ELOVL6: variants seen among roughly 807,000 people sequenced by gnomAD.
ELOVL6 encodes the protein ELOVL fatty acid elongase 6.
Under a neutral mutation model 31.7 loss-of-function variants are expected in ELOVL6, and 8 were observed. The ratio of observed to expected loss-of-function variants is 0.25; its 90% CI spans 0.15 to 0.45. The LOEUF (loss-of-function observed/expected upper bound fraction) is 0.45, where lower values mean the gene tolerates loss of function less well. ELOVL6 is among the 20% of genes least tolerant of loss of function. ELOVL6 has a pLI of 1.00. For synonymous variants in ELOVL6, 101 were observed against 117.7 expected, an observed-to-expected ratio of 0.86 and a Z score of 0.92; for missense variants, 126 against 326.4, an observed-to-expected ratio of 0.39 and a Z score of 4.73.
At chr4:110,111,036 A>G (rs373627220) in intron 1 of ELOVL6, among the ~76,000 whole-genome samples, 3 of 152,192 alleles carry the variant, frequency 2.0e-5, no homozygotes, top group African/African-American at 7.2e-5. Flanking sequence ...CTATCCTTGA[A>G]GTAGGCCATA....
intron 1 of ELOVL6, among the ~76,000 whole-genome samples, chr4:110,131,709 A>G (rs74780816): frequency 6.6e-6 from 1 of 152,152 alleles, no homozygotes; most frequent in Non-Finnish European, 1.5e-5. Flanking sequence ...TATTAACAAC[A>G]ACCAAATGAT....
Position 110,111,209 on chromosome 4 carries a change from G to A in ELOVL6, c.90-5581C>T, listed in dbSNP as rs1050722272. Reference sequence around the variant, plus strand: ...CCTTGTCACCTTTTAAAAAATCTTGGTGCATTCCGTTTTTGTATTACAACT... The same window carrying A: ...CCTTGTCACCTTTTAAAAAATCTTGATGCATTCCGTTTTTGTATTACAACT... On this transcript the variant is annotated intron_variant, in intron 1 of 3. Coordinates refer to ENST00000302274, the MANE Select transcript of ELOVL6 (RefSeq NM_024090.3). 3.9e-5 allele frequency among the ~76,000 whole-genome samples: 6 copies of A among 152,036 alleles called. No individual in the cohort carries two copies. In the East Asian group the frequency reaches 5.8e-4, roughly 15 times the overall value.
chr4:110,068,061 C>T (rs1253018853), intron 2 of ELOVL6, among the ~76,000 whole-genome samples: 1 of 151,614 alleles, frequency 6.6e-6, no homozygotes, highest in Non-Finnish European at 1.5e-5. Flanking sequence ...CAATCAATAA[C>T]TGAAAAAAGG....
At chr4:110,121,526 G>A (rs1400176458) in intron 1 of ELOVL6, among the ~76,000 whole-genome samples, 3 of 152,046 alleles carry the variant, frequency 2.0e-5, no homozygotes, top group Admixed American at 2.0e-4. Flanking sequence ...GTGAAACCCC[G>A]TCTCTACTAA....
At chr4:110,120,344 A>AG (rs1260182268) in intron 1 of ELOVL6, among the ~76,000 whole-genome samples, 4,911 of 74,182 alleles carry the variant, frequency 0.066, 242 homozygotes, top group African/African-American at 0.19. Context: ...AAAATAAAAA[A>AG]TAAAAAAGTA....
intron 1 of ELOVL6, among the ~76,000 whole-genome samples, chr4:110,148,034 A>G (rs748146818): frequency 1.3e-5 from 2 of 150,020 alleles, no homozygotes; most frequent in Non-Finnish European, 3.0e-5. Flanking sequence ...GAATCCGCCC[A>G]GGAGGCAGAG....
chr4:110,159,170 TTAGA>T (rs1400252014), intron 1 of ELOVL6, among the ~76,000 whole-genome samples: 1 of 152,172 alleles, frequency 6.6e-6, no homozygotes, highest in Non-Finnish European at 1.5e-5. Context: ...TGCTGGAATA[TTAGA>T]TACTTTATTT....
At chr4:110,084,411 ATACATGATATATCACATATAT>A (rs1442425181) in intron 2 of ELOVL6, among the ~76,000 whole-genome samples, 2 of 85,712 alleles carry the variant, frequency 2.3e-5, no homozygotes, top group African/African-American at 1.4e-4. Context: ...GATATATGAC[ATACATGATATATCACATATAT>A]CATATATGAT....
chr4:110,196,671 C>A (rs917884922), intron 1 of ELOVL6, among the ~76,000 whole-genome samples: 1 of 152,166 alleles, frequency 6.6e-6, no homozygotes. Context: ...GAGCGGCCCG[C>A]GTCCCCGCCT....
intron 1 of ELOVL6, among the ~76,000 whole-genome samples, chr4:110,156,348 T>G (rs1189405102): frequency 6.6e-6 from 1 of 152,126 alleles, no homozygotes; most frequent in Admixed American, 6.6e-5. Context: ...CCAAGACATT[T>G]CCACATTGGA....
chr4:110,097,692 AATT>A (rs1162566564), intron 2 of ELOVL6, among the ~76,000 whole-genome samples: 2 of 152,092 alleles, frequency 1.3e-5, no homozygotes, highest in African/African-American at 4.8e-5. Context: ...TGTCTCAATA[AATT>A]ATTATATTAT....
At chr4:110,077,091 G>A (rs1755659042) in intron 2 of ELOVL6, among the ~76,000 whole-genome samples, 2 of 152,198 alleles carry the variant, frequency 1.3e-5, no homozygotes. Flanking sequence ...AGCCAGCCAG[G>A]AAGCTCGAAC....
At chr4:110,091,516 G>C (rs558808486) in intron 2 of ELOVL6, among the ~76,000 whole-genome samples, 16 of 152,228 alleles carry the variant, frequency 1.1e-4, no homozygotes, top group African/African-American at 3.4e-4. Context: ...CATTAAGCTA[G>C]CATAAACTCC....
intron 1 of ELOVL6, among the ~76,000 whole-genome samples, chr4:110,135,549 C>A (rs1326600476): frequency 6.6e-6 from 1 of 152,024 alleles, no homozygotes; most frequent in Non-Finnish European, 1.5e-5. Context: ...AGGGTAGTAG[C>A]CTAGGGAAAA....
intron 2 of ELOVL6, among the ~76,000 whole-genome samples, chr4:110,062,220 G>T (rs1459499352): frequency 6.6e-6 from 1 of 152,186 alleles, no homozygotes; most frequent in East Asian, 1.9e-4. Context: ...ATATCATGGT[G>T]ACCTATAATA....
At chr4:110,138,962 T>C (rs945573822) in intron 1 of ELOVL6, among the ~76,000 whole-genome samples, 1 of 152,166 alleles carries the variant, frequency 6.6e-6, no homozygotes, top group Non-Finnish European at 1.5e-5. Flanking sequence ...ATTTTAGGTA[T>C]TGATATAGAT....
Position 110,169,329 on chromosome 4 carries a change from C to T in ELOVL6, c.89+28918G>A, listed in dbSNP as rs1758875731. ...TCTCGGCTCACTGCAATCTCTACCT[C>T]CTGGGTTCAAGTGATTCTCCTGCCT... On this transcript the variant is annotated intron_variant, in intron 1 of 3. Transcript: ENST00000302274. Among the ~76,000 whole-genome samples the T allele has an allele frequency of 2.0e-5, 3 of 151,190 alleles. No individual in the cohort carries two copies. The South Asian group carries it at 6.3e-4, about 32-fold the overall frequency.
At chr4:110,107,481 T>C (rs191117914) in intron 1 of ELOVL6, among the ~76,000 whole-genome samples, 2 of 152,308 alleles carry the variant, frequency 1.3e-5, no homozygotes, top group Admixed American at 6.5e-5. Flanking sequence ...AAGAGTCAAA[T>C]ATTCAGAAAA....
intron 2 of ELOVL6, among the ~76,000 whole-genome samples, chr4:110,081,577 T>G (rs913964622): frequency 6.6e-6 from 1 of 151,362 alleles, no homozygotes; most frequent in African/African-American, 2.4e-5. Flanking sequence ...CCTTACACCT[T>G]ATACAAAAAT....
Sources: allele counts gnomAD v4.1 joint callset (sites outside exome capture counted in the v4.1 genomes callset), GRCh38; gene constraint gnomAD v4.1.1; transcripts MANE v1.5; gene names NCBI Gene and HGNC (gene_info 2026-07-23, HGNC 2026-07-21).